Variants in EDA observed in about 807,000 individuals in gnomAD.
The protein encoded by EDA is ectodysplasin A, also known as ectodysplasin-A.
A neutral mutation model predicts 23.6 loss-of-function variants in EDA; 2 were observed. That is an observed-to-expected ratio of 0.08 (90% CI 0.03 to 0.27). The LOEUF (loss-of-function observed/expected upper bound fraction) is 0.27. Among genes scored for constraint, EDA ranks in the 10% least tolerant of loss-of-function variants. The probability of loss-of-function intolerance (pLI) is 1.00; values close to 1 mark genes in which losing one functional copy is unlikely to be tolerated. For missense variants in EDA, 229 were observed against 324.2 expected, an observed-to-expected ratio of 0.71 and a Z score of 2.26; for synonymous variants, 131 against 132.0, an observed-to-expected ratio of 0.99 and a Z score of 0.05.
intron 2 of EDA, among the ~76,000 whole-genome samples, chrX:69,979,998 G>GT (rs1171507617): frequency 1.0e-4 from 11 of 109,672 alleles, no homozygotes; most frequent in South Asian, 3.8e-4. Context: ...TCCAGGATCT[G>GT]TTTTTTTTAC....
At chrX:69,683,447 A>G (rs1934443056) in intron 1 of EDA, among the ~76,000 whole-genome samples, 2 of 111,707 alleles carry the variant, frequency 1.8e-5, no homozygotes, top group South Asian at 3.8e-4. Flanking sequence ...CCAAACTACA[A>G]GGCTTATTAT....
At chrX:69,821,366 C>A (rs765150698) in intron 1 of EDA, among the ~76,000 whole-genome samples, 4 of 109,917 alleles carry the variant, frequency 3.6e-5, no homozygotes, top group Middle Eastern at 4.7e-3. Flanking sequence ...ATGTAACAAA[C>A]CTGCACATCC....
At chrX:69,639,308 G>A (rs1337951593) in intron 1 of EDA, among the ~76,000 whole-genome samples, 1 of 111,405 alleles carries the variant, frequency 9.0e-6, no homozygotes, top group Non-Finnish European at 1.9e-5. Context: ...GAGTTGTATG[G>A]TAATTCTACA....
At chrX:69,640,539 C>G (rs1340776009) in intron 1 of EDA, among the ~76,000 whole-genome samples, 4 of 110,619 alleles carry the variant, frequency 3.6e-5, no homozygotes, top group Non-Finnish European at 7.6e-5. Context: ...TTGAGTGGCC[C>G]TCAATTGGAG....
intron 1 of EDA, among the ~76,000 whole-genome samples, chrX:69,721,274 C>A (rs986636479): frequency 8.9e-6 from 1 of 111,791 alleles, no homozygotes; most frequent in Non-Finnish European, 1.9e-5. Flanking sequence ...AGTGTTTGGG[C>A]AAAGGAGGAG....
At chrX:69,764,073 G>A (rs1421765852) in intron 1 of EDA, among the ~76,000 whole-genome samples, 1 of 108,253 alleles carries the variant, frequency 9.2e-6, no homozygotes, top group African/African-American at 3.4e-5. Context: ...GAGCTGAGGA[G>A]GGGATAATTA....
intron 1 of EDA, among the ~76,000 whole-genome samples, chrX:69,804,593 T>C (rs2015770858): frequency 9.1e-6 from 1 of 110,293 alleles, no homozygotes; most frequent in South Asian, 3.8e-4. Context: ...ATAATGAGGT[T>C]TGTTAGATAC....
intron 1 of EDA, among the ~76,000 whole-genome samples, chrX:69,749,277 C>G (rs1355204975): frequency 2.2e-5 from 2 of 91,358 alleles, no homozygotes; most frequent in Non-Finnish European, 4.3e-5. Context: ...CTCATCATTT[C>G]TTATGGCTGC....
At chrX:69,881,412 C>T (rs1450901483) in intron 1 of EDA, among the ~76,000 whole-genome samples, 2 of 111,168 alleles carry the variant, frequency 1.8e-5, no homozygotes, top group Non-Finnish European at 3.8e-5. Flanking sequence ...AAGGTGGTCC[C>T]AGACTCATAG....
At chrX:69,830,782 C>G (rs1488174859) in intron 1 of EDA, among the ~76,000 whole-genome samples, 1 of 111,581 alleles carries the variant, frequency 9.0e-6, no homozygotes, top group South Asian at 3.7e-4. Context: ...TTCCGAAATG[C>G]CAGCCTGTGA....
At chrX:69,723,562 G>T (rs1395767286) in intron 1 of EDA, among the ~76,000 whole-genome samples, 3 of 111,889 alleles carry the variant, frequency 2.7e-5, no homozygotes, top group Non-Finnish European at 5.6e-5. Flanking sequence ...TGCAGCAATT[G>T]TATGAAGGTC....
chrX:69,828,082 G>C (rs1208858729), intron 1 of EDA, among the ~76,000 whole-genome samples: 1 of 110,742 alleles, frequency 9.0e-6, no homozygotes, highest in African/African-American at 3.3e-5. Flanking sequence ...TGCGTGCTGG[G>C]AGAACCACTG....
intron 1 of EDA, among the ~76,000 whole-genome samples, chrX:69,926,003 G>A (rs1040866570): frequency 1.8e-5 from 2 of 110,408 alleles, no homozygotes; most frequent in African/African-American, 6.6e-5. Context: ...GGTCAGTGGT[G>A]ATATCCCCAT....
chrX:69,858,063 T>G (rs2017297998), intron 1 of EDA, among the ~76,000 whole-genome samples: 1 of 111,981 alleles, frequency 8.9e-6, no homozygotes, highest in Admixed American at 9.6e-5. Flanking sequence ...ATGCTACTGA[T>G]TTTTGTACAT....
intron 1 of EDA, among the ~76,000 whole-genome samples, chrX:69,686,274 G>A (rs1934541557): frequency 8.9e-6 from 1 of 112,448 alleles, no homozygotes; most frequent in Admixed American, 9.4e-5. Context: ...TGGGATTATA[G>A]GCATGAGCCA....
chrX:69,768,539 A>T (rs1482588141), intron 1 of EDA, among the ~76,000 whole-genome samples: 2 of 111,552 alleles, frequency 1.8e-5, no homozygotes, highest in Non-Finnish European at 3.8e-5. Context: ...CGGTTCTATT[A>T]TGTATCATTA....
chrX:69,669,547 CT>C (rs1933809839), intron 1 of EDA, among the ~76,000 whole-genome samples: 1 of 112,028 alleles, frequency 8.9e-6, no homozygotes, highest in African/African-American at 3.2e-5. Flanking sequence ...AGAAACTAGA[CT>C]TTTACCTTCG....
chrX:69,804,855 G>A (rs773944230), intron 1 of EDA, among the ~76,000 whole-genome samples: 1 of 111,601 alleles, frequency 9.0e-6, no homozygotes, highest in East Asian at 2.8e-4. Flanking sequence ...CTACCACATT[G>A]GCAAACAAAT....
intron 1 of EDA, among the ~76,000 whole-genome samples, chrX:69,872,606 T>A (rs780239389): frequency 9.0e-6 from 1 of 111,522 alleles, no homozygotes; most frequent in South Asian, 3.8e-4. Context: ...GCTATACTAA[T>A]AACAGACAAA....
Sources: allele counts gnomAD v4.1 joint callset (sites outside exome capture counted in the v4.1 genomes callset), GRCh38; gene constraint gnomAD v4.1.1; transcripts MANE v1.5; gene names NCBI Gene and HGNC (gene_info 2026-07-23, HGNC 2026-07-21).